Variants in CCDC187 observed in about 807,000 individuals in gnomAD.
CCDC187 encodes coiled-coil domain-containing protein 187.
Under a neutral mutation model 38.0 loss-of-function variants are expected in CCDC187, and 32 were observed. That is an observed-to-expected ratio of 0.84 (90% confidence interval 0.64 to 1.13). The LOEUF (loss-of-function observed/expected upper bound fraction) is 1.13, where lower values mean the gene tolerates loss of function less well. Ranked by LOEUF, CCDC187 falls within the 50% of genes most tolerant of loss-of-function variation. The pLI, the probability that CCDC187 is intolerant of heterozygous loss-of-function variation, is 0.00. For synonymous variants in CCDC187, 333 were observed against 347.9 expected (o/e 0.96, Z 0.48); for missense variants, 707 against 786.8 (o/e 0.90, Z 1.21).
intron 7 of CCDC187, 91 bp from the exon 8 acceptor site, chr9:136,286,786 A>G (rs1327505895): frequency 7.5e-6 from 3 of 397,898 alleles, no homozygotes; most frequent in African/African-American, 4.1e-5. Context: ...TGTGAGCGTC[A>G]CAGCAGCGTC....
At position 136,253,316 on chromosome 9, in the gene CCDC187, A is replaced by G. The variant is rs62579879; in HGVS notation, c.*278T>C. On this transcript the variant is annotated 3_prime_UTR_variant, in exon 26 of 26. Coordinates refer to ENST00000638797, the MANE Select transcript of CCDC187 (RefSeq NM_001378188.1). ...AACCCTGTGCCCAAAACAGGAGCCC[A>G]GTCCGCCGATCATCACTTCCACGTC... The G allele has an allele frequency of 0.19, 28,335 of 153,152 alleles. 2,926 individuals are homozygous for G. Among genetic ancestry groups the G allele is most frequent in the Admixed American group, 0.26 (4,053 of 15,318 alleles). The allele number at this position is 153,152 out of a possible 1,614,324, so 9.5% of individuals were successfully genotyped here.
At chr9:136,306,531 C>A (rs1831806497), upstream of CCDC187, among the ~76,000 whole-genome samples, 1 of 152,152 alleles carries the variant, frequency 6.6e-6, no homozygotes, top group Non-Finnish European at 1.5e-5. Flanking sequence ...GTGGCAAATG[C>A]TTGATGACTT....
intron 9 of CCDC187, 41 bp downstream of exon 9, chr9:136,285,460 CAGGCGGGCAGGT>C: frequency 4.9e-5 from 2 of 40,472 alleles, no homozygotes; most frequent in African/African-American, 8.8e-5. Flanking sequence ...GGCAGGTGGG[CAGGCGGGCAGGT>C]GGGCAGGTGG....
intron 17 of CCDC187, 74 bp downstream of exon 17, chr9:136,265,882 T>C: frequency 3.9e-6 from 3 of 766,460 alleles, no homozygotes; most frequent in East Asian, 1.3e-4. Context: ...AATGTTCAGA[T>C]TCCAGGCAAG....
intron 7 of CCDC187, among the ~76,000 whole-genome samples, chr9:136,289,223 A>G (rs1831251903): frequency 6.6e-6 from 1 of 152,202 alleles, no homozygotes. Flanking sequence ...AATGTCAAGA[A>G]TAGGCAAATC....
intron 17 of CCDC187, among the ~76,000 whole-genome samples, chr9:136,265,177 G>A (rs933018211): frequency 6.6e-6 from 1 of 152,214 alleles, no homozygotes; most frequent in Non-Finnish European, 1.5e-5. Context: ...ACCTGGGCAG[G>A]GGCCGGCAAG....
chr9:136,262,245 A>T, intron 19 of CCDC187, 66 bp downstream of exon 19: 1 of 985,106 alleles, frequency 1.0e-6, no homozygotes, highest in Non-Finnish European at 1.2e-6. Flanking sequence ...GGGGCAGAAA[A>T]GGCTTCTCAG....
At chr9:136,293,369 T>TCA (rs1312198812) in intron 4 of CCDC187, among the ~76,000 whole-genome samples, 2 of 122,718 alleles carry the variant, frequency 1.6e-5, no homozygotes, top group African/African-American at 6.2e-5. Flanking sequence ...ATTCACATGC[T>TCA]CACACACTCA....
At chr9:136,266,808 C>T (rs1029050894) in intron 16 of CCDC187, 1 of 152,260 alleles carries the variant, frequency 6.6e-6, no homozygotes, top group Non-Finnish European at 1.5e-5. Flanking sequence ...CCGCACTGGG[C>T]GTGGTGGCTC....
chr9:136,294,617 C>T (rs913248998), intron 4 of CCDC187, among the ~76,000 whole-genome samples: 6 of 152,180 alleles, frequency 3.9e-5, no homozygotes, highest in Admixed American at 1.3e-4. Flanking sequence ...TTCCCTAGCA[C>T]CCCCCAGACA....
chr9:136,261,742 C>T (rs1233117006), intron 19 of CCDC187, among the ~76,000 whole-genome samples: 1 of 152,240 alleles, frequency 6.6e-6, no homozygotes, highest in Non-Finnish European at 1.5e-5. Flanking sequence ...CAGACAGGGG[C>T]CTCCAAAGGC....
At chr9:136,286,734 G>T in intron 7 of CCDC187, 39 bp from the exon 8 acceptor site, 2 of 398,620 alleles carry the variant, frequency 5.0e-6, no homozygotes, top group Non-Finnish European at 4.4e-6. Flanking sequence ...GCTCAGGCTC[G>T]GTCGCCCCAG....
At chr9:136,276,824 A>G in intron 10 of CCDC187, 97 bp from the exon 11 acceptor site, 1 of 152,244 alleles carries the variant, frequency 6.6e-6, no homozygotes, top group Non-Finnish European at 1.5e-5. Context: ...ACAGGTTAAT[A>G]CAGCCTCTCC....
At chr9:136,277,725 GC>G (rs1830960568) in intron 10 of CCDC187, among the ~76,000 whole-genome samples, 1 of 152,160 alleles carries the variant, frequency 6.6e-6, no homozygotes, top group African/African-American at 2.4e-5. Context: ...GGAGCTCCTG[GC>G]CCCACAGAGG....
Position 136,285,550 on chromosome 9 carries a change from C to A in CCDC187, c.2890G>T (p.Val964Leu). The change falls in exon 9 of 26, where the codon GTG becomes TTG. Residue 964 changes from valine (V) to leucine (L), a missense_variant. Transcript: ENST00000638797. ...VKPDKRLQRG[V>L]APFQALSPSA... The stretch of plus-strand genomic sequence containing the variant: ...GGGCTGAGGGCCTGGAAGGGGGCCA[C>A]GCCTCTCTGCAGCCTTTTGTCTGGT... 1 of 402,622 alleles carries A rather than the reference C, an allele frequency of 2.5e-6. No homozygotes were observed. The highest frequency in any genetic ancestry group is 4.4e-6 in the Non-Finnish European group (1 of 228,110). The allele number at this position is 402,622 out of a possible 1,614,324, so 24.9% of individuals were successfully genotyped here.
chr9:136,251,330 G>C lies in CCDC187; in HGVS notation c.*2264C>G, dbSNP rs1277830778. The stretch of plus-strand genomic sequence containing the variant: ...CAAGTCCTGAGCATGCTCCAGAAGA[G>C]ACCTTGGGCCACTGATCCCCAGAGG... On this transcript the variant is annotated 3_prime_UTR_variant, in exon 26 of 26. Coordinates refer to ENST00000638797, the MANE Select transcript of CCDC187 (RefSeq NM_001378188.1). 7 of 295,034 alleles carry C rather than the reference G, an allele frequency of 2.4e-5. No homozygotes were observed. Among genetic ancestry groups the C allele is most frequent in the Non-Finnish European group, 4.1e-5 (6 of 148,136 alleles). 18.3% of individuals were successfully genotyped at this position (295,034 alleles called of 1,614,324 possible). A position where few individuals can be genotyped will look rare whatever the true frequency, so the allele number is the denominator to read the frequency against.
chr9:136,256,351 G>A lies in CCDC187; in HGVS notation c.4504-28C>T, dbSNP rs75930786. On this transcript the variant is annotated intron_variant, in intron 23 of 25. Coordinates refer to ENST00000638797, the MANE Select transcript of CCDC187 (RefSeq NM_001378188.1). The stretch of plus-strand genomic sequence containing the variant: ...GGAGAGACGTTGCAGAAATGACACT[G>A]TTGGGGTGTGGCCTCTGTCTCTGTC... The A allele has an allele frequency of 3.3e-4, 319 of 963,852 alleles. 2 individuals are homozygous for A. In the African/African-American group the frequency reaches 5.2e-3, roughly 16 times the overall value. The allele number at this position is 963,852 out of a possible 1,614,324, so 59.7% of individuals were successfully genotyped here. A position where few individuals can be genotyped will look rare whatever the true frequency, so the allele number is the denominator to read the frequency against.
chr9:136,267,593 G>A (rs1588654476), intron 15 of CCDC187, 82 bp from the exon 16 acceptor site: 1 of 985,566 alleles, frequency 1.0e-6, no homozygotes, highest in Non-Finnish European at 1.2e-6. Flanking sequence ...AGGGTGGGCC[G>A]CGTCACCGCC....
At chr9:136,282,020 G>A (rs1249379084) in intron 9 of CCDC187, among the ~76,000 whole-genome samples, 1 of 152,202 alleles carries the variant, frequency 6.6e-6, no homozygotes, top group East Asian at 1.9e-4. Flanking sequence ...GACCCCAGGG[G>A]GAACAGGGGT....
Sources: gnomAD v4.1 joint callset for allele counts (sites outside exome capture counted in the v4.1 genomes callset) on GRCh38, gnomAD v4.1.1 for gene constraint, MANE v1.5 for transcripts, NCBI Gene and HGNC (gene_info 2026-07-23, HGNC 2026-07-21) for gene names.